Variants in ITPR1 observed in about 807,000 individuals in gnomAD.
ITPR1 encodes the protein inositol 1,4,5-trisphosphate receptor type 1, also known as inositol 1,4,5-trisphosphate-gated calcium channel ITPR1.
ITPR1 carries 96 observed loss-of-function variants against 318.4 expected under a neutral mutation model. The observed-to-expected ratio is 0.30, with a 90% confidence interval of 0.26 to 0.36. The LOEUF (loss-of-function observed/expected upper bound fraction) is 0.36. Among genes scored for constraint, ITPR1 ranks in the 10% least tolerant of loss-of-function variants. ITPR1 has a pLI of 1.00. For synonymous variants in ITPR1, 1,312 were observed against 1,289.9 expected (o/e 1.02, Z -0.37); for missense variants, 2,440 against 3,460.2 (o/e 0.71, Z 7.40).
chr3:4,759,434 A>C (rs1351257086), intron 44 of ITPR1, among the ~76,000 whole-genome samples: 1 of 152,204 alleles, frequency 6.6e-6, no homozygotes, highest in Non-Finnish European at 1.5e-5. Context: ...TTGTAGTTTC[A>C]ACCAGCCACA....
intron 4 of ITPR1, among the ~76,000 whole-genome samples, chr3:4,529,480 T>C (rs2083243716): frequency 6.6e-6 from 1 of 152,220 alleles, no homozygotes; most frequent in African/African-American, 2.4e-5. Context: ...GCAAAGGGTT[T>C]TATAATCCCG....
intron 44 of ITPR1, among the ~76,000 whole-genome samples, chr3:4,737,059 C>G (rs1431945409): frequency 1.3e-5 from 2 of 152,250 alleles, no homozygotes; most frequent in African/African-American, 4.8e-5. Context: ...TATCCTTAGC[C>G]ACAGTGTCTT....
Position 4,560,998 on chromosome 3 carries a change from G to T in ITPR1, c.163+39904G>T, listed in dbSNP as rs182538729. Among the ~76,000 whole-genome samples, 39 of 152,342 alleles carry T rather than the reference G, an allele frequency of 2.6e-4. No homozygotes were observed. In the East Asian group the frequency reaches 3.3e-3, roughly 13 times the overall value. ...TTTTGCTGCTTTGAGGATGCAGGCT[G>T]ATGACTTAGGTCCTGTGTTCATTGA... On this transcript the variant is annotated intron_variant, in intron 4 of 61. Transcript: ENST00000649015.
At position 4,576,809 on chromosome 3, in the gene ITPR1, A is replaced by C. The variant is rs11719430; in HGVS notation, c.164-50954A>C. Among the ~76,000 whole-genome samples the C allele has an allele frequency of 2.3e-4, 35 of 152,352 alleles. 1 individual carries two copies. Among genetic ancestry groups the C allele is most frequent in the Admixed American group, 9.8e-4 (15 of 15,308 alleles). On this transcript the variant is annotated intron_variant, in intron 4 of 61. Transcript: ENST00000649015. ...AACATACCTTAAAGGTTATTTTCCT[A>C]TTCAACCCTGTCATTTAAGAGAAAG...
intron 46 of ITPR1, among the ~76,000 whole-genome samples, chr3:4,769,730 C>T (rs1162663385): frequency 1.3e-5 from 2 of 152,166 alleles, no homozygotes; most frequent in Non-Finnish European, 2.9e-5. Context: ...AGGACTTGAA[C>T]CCAGGTAGTC....
chr3:4,530,413 G>A (rs577693931), intron 4 of ITPR1, among the ~76,000 whole-genome samples: 10 of 152,268 alleles, frequency 6.6e-5, no homozygotes, highest in Admixed American at 2.6e-4. Context: ...TTGAATGGCC[G>A]CTGATCTTTT....
intron 32 of ITPR1, among the ~76,000 whole-genome samples, chr3:4,693,099 G>A (rs754673375): frequency 3.9e-5 from 6 of 152,142 alleles, no homozygotes; most frequent in African/African-American, 7.2e-5. Context: ...ACTCCAGCCT[G>A]GGCAACAAGA....
chr3:4,652,535 C>A (rs75830991), intron 11 of ITPR1, among the ~76,000 whole-genome samples: 2,095 of 152,204 alleles, frequency 0.014, 61 homozygotes, highest in East Asian at 0.094. Context: ...TGTCTACCAG[C>A]CCCACACCTA....
intron 44 of ITPR1, among the ~76,000 whole-genome samples, chr3:4,739,270 G>A (rs754851057): frequency 4.9e-4 from 75 of 152,358 alleles, no homozygotes; most frequent in Middle Eastern, 3.4e-3. Context: ...TTGCTCCACT[G>A]AAGACATGGT....
At chr3:4,577,045 T>G (rs1258852710) in intron 4 of ITPR1, among the ~76,000 whole-genome samples, 1 of 152,184 alleles carries the variant, frequency 6.6e-6, no homozygotes, top group Non-Finnish European at 1.5e-5. Context: ...CTAATGAAGG[T>G]GTCAGTTGTA....
chr3:4,779,697 T>C lies in ITPR1; in HGVS notation c.6387+52T>C, dbSNP rs1379090264. On this transcript the variant is annotated intron_variant, in intron 49 of 61. Transcript: ENST00000649015. The surrounding 1 kb of genome is among the most constrained non-coding windows in gnomAD (Gnocchi z 4.0). ...AGCACCAAGGAGCATTGCGACGATA[T>C]TTGGGACAGAGCAGAGGATCTGCTT... is the stretch of plus-strand genomic sequence containing the variant. 1 of 1,289,402 alleles carries C rather than the reference T, an allele frequency of 7.8e-7. No individual in the cohort carries two copies. The highest frequency in any genetic ancestry group is 1.1e-6 in the Non-Finnish European group (1 of 887,678). The allele number at this position is 1,289,402 out of a possible 1,614,324, so 79.9% of individuals were successfully genotyped here.
intron 44 of ITPR1, among the ~76,000 whole-genome samples, chr3:4,753,281 C>T (rs1316039703): frequency 2.6e-5 from 4 of 152,058 alleles, no homozygotes; most frequent in South Asian, 4.1e-4. Context: ...CTGTGGTTCC[C>T]GCCGATCCCT....
rs774934877 is a variant in ITPR1 at position 4,733,269 on chromosome 3, G to A, written c.5353+49G>A. On this transcript the variant is annotated intron_variant, in intron 43 of 61. Transcript: ENST00000649015. ...TTCGTGTGTGAATCAAGTGTGTTCT[G>A]TGATAGCTGCATGTTTCCTCCTAAC... 7 of 1,596,210 alleles carry A rather than the reference G, an allele frequency of 4.4e-6. No individual in the cohort carries two copies. In the South Asian group the frequency reaches 6.6e-5, roughly 15 times the overall value.
chr3:4,583,314 GA>G (rs896893470), intron 4 of ITPR1, among the ~76,000 whole-genome samples: 4 of 151,316 alleles, frequency 2.6e-5, no homozygotes, highest in East Asian at 1.9e-4. Context: ...GTAGACTTGG[GA>G]AAAAAAAGTT....
chr3:4,555,480 C>G (rs539715790), intron 4 of ITPR1, among the ~76,000 whole-genome samples: 142 of 152,194 alleles, frequency 9.3e-4, no homozygotes, highest in African/African-American at 2.8e-3. Context: ...GTTTTTTCAC[C>G]TGACTCCTTT....
intron 61 of ITPR1, among the ~76,000 whole-genome samples, chr3:4,839,690 T>A (rs1327891409): frequency 6.6e-6 from 1 of 152,222 alleles, no homozygotes; most frequent in East Asian, 1.9e-4. Context: ...AAATCCAAGA[T>A]AAGATTATTC....
chr3:4,532,473 TC>T (rs145043164), intron 4 of ITPR1, among the ~76,000 whole-genome samples: 1 of 152,112 alleles, frequency 6.6e-6, no homozygotes, highest in Non-Finnish European at 1.5e-5. Flanking sequence ...TAAGTGATCT[TC>T]CCCCCTCAGC....
chr3:4,573,359 G>A (rs868074784), intron 4 of ITPR1, among the ~76,000 whole-genome samples: 2 of 151,978 alleles, frequency 1.3e-5, no homozygotes, highest in Admixed American at 6.5e-5. Context: ...ATCTATCACT[G>A]TCACCTTTTT....
In ITPR1 at chr3:4,708,951, A is replaced by G. The variant is rs548636541; in HGVS notation, c.4843-1374A>G. Among the ~76,000 whole-genome samples, 13 of 152,326 alleles carry G rather than the reference A, an allele frequency of 8.5e-5. No individual in the cohort carries two copies. In the South Asian group the frequency reaches 2.5e-3, roughly 29 times the overall value. ...GATGTCTCCTTGATTGCTGAATGCT[A>G]TACATTTGACAGTACAATGCAAATC... On this transcript the variant is annotated intron_variant, in intron 37 of 61. Coordinates refer to ENST00000649015, the MANE Select transcript of ITPR1 (RefSeq NM_001378452.1).
Sources: gnomAD v4.1 joint callset for allele counts (sites outside exome capture counted in the v4.1 genomes callset) on GRCh38, gnomAD v4.1.1 for gene constraint, Gnocchi (gnomAD v3.1) non-coding constraint, MANE v1.5 for transcripts, NCBI Gene and HGNC (gene_info 2026-07-23, HGNC 2026-07-21) for gene names.